The following LRMDA variants were observed in gnomAD, a reference collection of about 807,000 sequenced individuals.
LRMDA encodes the protein leucine-rich melanocyte differentiation-associated protein.
LRMDA carries 18 observed loss-of-function variants against 29.8 expected under a neutral mutation model. The ratio of observed to expected loss-of-function variants is 0.60; its 90% confidence interval spans 0.42 to 0.90. The LOEUF (loss-of-function observed/expected upper bound fraction) is 0.90. LRMDA is among the 40% of genes least tolerant of loss of function. The probability of loss-of-function intolerance (pLI) is 0.00; values close to 1 mark genes in which losing one functional copy is unlikely to be tolerated. For missense variants in LRMDA, 273 were observed against 273.9 expected (o/e 1.00, Z 0.02); for synonymous variants, 125 against 109.4 (o/e 1.14, Z -0.89).
chr10:75,971,600 T>C (rs1846972177), intron 2 of LRMDA, among the ~76,000 whole-genome samples: 1 of 152,216 alleles, frequency 6.6e-6, no homozygotes, highest in Non-Finnish European at 1.5e-5. Context: ...TGGAGCATTT[T>C]ACAAGCAAGG....
intron 5 of LRMDA, among the ~76,000 whole-genome samples, chr10:76,114,541 G>A (rs1849634224): frequency 6.6e-6 from 1 of 152,094 alleles, no homozygotes; most frequent in Non-Finnish European, 1.5e-5. Context: ...GAAGGACAGA[G>A]GTAATTTGGA....
At chr10:76,251,877 T>C (rs1852491776) in intron 5 of LRMDA, among the ~76,000 whole-genome samples, 1 of 152,154 alleles carries the variant, frequency 6.6e-6, no homozygotes, top group South Asian at 2.1e-4. Context: ...CAGCCGGTGG[T>C]GGAGCGTGTT....
intron 2 of LRMDA, among the ~76,000 whole-genome samples, chr10:75,908,113 A>C (rs2132373296): frequency 6.6e-6 from 1 of 152,268 alleles, no homozygotes; most frequent in East Asian, 1.9e-4. Context: ...CATAGCCTTT[A>C]TTGTAGGGTC....
At position 76,058,694 on chromosome 10, in the gene LRMDA, T is replaced by C. The variant is rs1848655078; in HGVS notation, c.427T>C (p.Leu143=). The C allele has an allele frequency of 1.2e-6, 2 of 1,613,928 alleles. No individual in the cohort carries two copies. The highest frequency in any genetic ancestry group is 2.2e-5 in the South Asian group (2 of 91,080). The change falls in exon 5 of 7, where the codon TTG becomes CTG. Residue 143 remains leucine (L), a synonymous_variant. Coordinates refer to ENST00000611255, the MANE Select transcript of LRMDA (RefSeq NM_001305581.2). The part of the protein sequence containing the change: ...RCFVLYKLPN[L]KFLDAQKVTR... ...CTTTGTTCTGTACAAGCTGCCCAAC[T>C]TGAAATTTCTGGATGCCCAGAAAGT...
intron 5 of LRMDA, among the ~76,000 whole-genome samples, chr10:76,214,430 C>T (rs1220712269): frequency 2.0e-5 from 3 of 150,262 alleles, no homozygotes; most frequent in South Asian, 2.1e-4. Context: ...CTGTAAGCTC[C>T]GCTTCCCAGG....
rs544544298 is a variant in LRMDA, at chr10:75,529,058, T to G, written c.131+90564T>G. ...CTCAGAGGTCCAACATAATTGAAGT[T>G]CTAGAGTAAAAGGAAGAAATGATAA... On this transcript the variant is annotated intron_variant, in intron 2 of 6. Coordinates refer to ENST00000611255, the MANE Select transcript of LRMDA (RefSeq NM_001305581.2). Among the ~76,000 whole-genome samples, 17 of 152,248 alleles carry G rather than the reference T, an allele frequency of 1.1e-4. No homozygotes were observed. In the East Asian group the frequency reaches 3.1e-3, roughly 28 times the overall value.
At chr10:76,024,569 C>G (rs1235666500) in intron 2 of LRMDA, among the ~76,000 whole-genome samples, 2 of 152,132 alleles carry the variant, frequency 1.3e-5, no homozygotes, top group East Asian at 3.9e-4. Context: ...GTGTTTTCAC[C>G]TTTTTCAGCC....
At chr10:75,749,970 C>G (rs1453640016) in intron 2 of LRMDA, among the ~76,000 whole-genome samples, 2 of 152,144 alleles carry the variant, frequency 1.3e-5, no homozygotes, top group Non-Finnish European at 2.9e-5. Flanking sequence ...TAACAGCATC[C>G]CAAGGCAGAA....
At chr10:76,349,790 T>C (rs1267395459) in intron 6 of LRMDA, among the ~76,000 whole-genome samples, 3 of 152,112 alleles carry the variant, frequency 2.0e-5, no homozygotes, top group Non-Finnish European at 4.4e-5. Context: ...AAACAATTGA[T>C]TATTTTCTAG....
intron 5 of LRMDA, among the ~76,000 whole-genome samples, chr10:76,084,194 C>CTATTTATTTATTTATTTATTTATT (rs113420141): frequency 8.8e-4 from 132 of 150,704 alleles, no homozygotes; most frequent in African/African-American, 3.0e-3. Flanking sequence ...TTTCTTTTCT[C>CTATTTATTTATTTATTTATTTATT]TATTTATTTA....
intron 5 of LRMDA, among the ~76,000 whole-genome samples, chr10:76,236,674 G>A (rs1356691041): frequency 6.6e-6 from 1 of 152,064 alleles, no homozygotes; most frequent in Non-Finnish European, 1.5e-5. Flanking sequence ...TTCTTTTTCT[G>A]CTGCAACCCA....
chr10:75,597,236 A>G (rs1399665038), intron 2 of LRMDA, among the ~76,000 whole-genome samples: 1 of 152,208 alleles, frequency 6.6e-6, no homozygotes, highest in Non-Finnish European at 1.5e-5. Flanking sequence ...TTTGAATGAA[A>G]TGAGTATCTG....
At chr10:76,057,226 C>T (rs149327531) in intron 4 of LRMDA, among the ~76,000 whole-genome samples, 170 of 152,264 alleles carry the variant, frequency 1.1e-3, no homozygotes, top group African/African-American at 4.0e-3. Flanking sequence ...TGCATAACCT[C>T]GATTTTGGCA....
intron 2 of LRMDA, among the ~76,000 whole-genome samples, chr10:75,579,193 A>G (rs4445581): frequency 0.6 from 91,927 of 152,034 alleles, 31,135 homozygotes; most frequent in East Asian, 0.85. Context: ...ATAAAGAAGA[A>G]AACAGAGAAG....
intron 6 of LRMDA, among the ~76,000 whole-genome samples, chr10:76,417,209 T>C (rs921426823): frequency 2.6e-5 from 4 of 152,176 alleles, no homozygotes; most frequent in African/African-American, 7.2e-5. Flanking sequence ...GATTCCTCTC[T>C]AGATCATTCT....
intron 6 of LRMDA, among the ~76,000 whole-genome samples, chr10:76,436,300 G>C (rs1270015472): frequency 6.6e-6 from 1 of 152,210 alleles, no homozygotes; most frequent in Non-Finnish European, 1.5e-5. Flanking sequence ...TGAAAAATAA[G>C]TGTGTGAAGA....
At chr10:76,159,663 A>T (rs1252263647) in intron 5 of LRMDA, among the ~76,000 whole-genome samples, 2 of 152,202 alleles carry the variant, frequency 1.3e-5, no homozygotes, top group African/African-American at 4.8e-5. Context: ...TGGGAAATAA[A>T]CTGGGGTACA....
At chr10:75,636,030 C>T (rs543907069) in intron 2 of LRMDA, among the ~76,000 whole-genome samples, 1 of 152,232 alleles carries the variant, frequency 6.6e-6, no homozygotes, top group African/African-American at 2.4e-5. Flanking sequence ...TGTATCTGAA[C>T]CAAATAAAAT....
chr10:76,540,631 A>T lies in LRMDA; in HGVS notation c.602-16578A>T, dbSNP rs146317810. On this transcript the variant is annotated intron_variant, in intron 6 of 6. Transcript: ENST00000611255. ...CACAATAGAGTCATTGGAAATGAAAACATATTAATTATGTTCCTTAAGGTT... is the reference window on the plus strand; with the variant it reads ...CACAATAGAGTCATTGGAAATGAAATCATATTAATTATGTTCCTTAAGGTT... 6.9e-3 allele frequency among the ~76,000 whole-genome samples: 1,048 copies of T among 152,336 alleles called. 8 individuals carry two copies. The highest frequency in any genetic ancestry group is 0.012 in the Non-Finnish European group (843 of 68,024).
Sources: gnomAD v4.1 joint callset for allele counts (sites outside exome capture counted in the v4.1 genomes callset) on GRCh38, gnomAD v4.1.1 for gene constraint, MANE v1.5 for transcripts, NCBI Gene and HGNC (gene_info 2026-07-23, HGNC 2026-07-21) for gene names.